Variants in CEP44 observed in about 807,000 individuals in gnomAD.
The protein encoded by CEP44 is centrosomal protein of 44 kDa.
Under a neutral mutation model 46.7 loss-of-function variants are expected in CEP44, and 45 were observed. The ratio of observed to expected loss-of-function variants is 0.96; its 90% CI spans 0.76 to 1.24. The LOEUF is 1.24. CEP44 is among the 50% of genes most tolerant of loss of function. The pLI, the probability that CEP44 is intolerant of heterozygous loss-of-function variation, is 0.00. For missense variants in CEP44, 475 were observed against 459.7 expected, an observed-to-expected ratio of 1.03 and a Z score of -0.30; for synonymous variants, 142 against 146.0, an observed-to-expected ratio of 0.97 and a Z score of 0.20.
At chr4:174,308,233 C>T (rs112978341) in intron 6 of CEP44, among the ~76,000 whole-genome samples, 3,083 of 152,202 alleles carry the variant, frequency 0.02, 107 homozygotes, top group African/African-American at 0.069. Flanking sequence ...ACCTAAATGC[C>T]CATCAATGAT....
chr4:174,316,247 G>C lies in CEP44; in HGVS notation c.1043G>C (p.Arg348Thr). Residue 348 changes from arginine to threonine, a missense_variant, in exon 10 of 12, where the codon AGA (arginine) becomes ACA (threonine). Coordinates refer to ENST00000503780, the MANE Select transcript of CEP44 (RefSeq NM_001040157.3). Reference sequence around the variant, plus strand: ...ACAGCATCATCAGATTCAACTCCCAGAGCCTCTACTGTTAATTACTGTGGT... The same window carrying C: ...ACAGCATCATCAGATTCAACTCCCACAGCCTCTACTGTTAATTACTGTGGT... ...YSTASSDSTPRASTVNYCGLN... is the reference protein window; with the variant it reads ...YSTASSDSTPTASTVNYCGLN... 6.2e-7 allele frequency: 1 copy of C among 1,612,418 alleles called. No individual in the cohort carries two copies. Among genetic ancestry groups the C allele is most frequent in the Non-Finnish European group, 8.5e-7 (1 of 1,178,512 alleles).
Position 174,310,007 on chromosome 4 carries a change from T to G in CEP44, c.836T>G (p.Leu279Arg). Reference sequence around the variant, plus strand: ...GTAGATGAAAACACCTGGACTAATCTTCTTAGTCGTGTCACTCTTCTTGAA... The same window carrying G: ...GTAGATGAAAACACCTGGACTAATCGTCTTAGTCGTGTCACTCTTCTTGAA... ...VMVDENTWTN[L>R]LSRVTLLETE... Residue 279 changes from leucine (L) to arginine (R), a missense_variant, in exon 8 of 12, where the codon CTT (leucine) becomes CGT (arginine). By Grantham distance (102) the Leu-to-Arg change is moderately radical (BLOSUM62 -2). Coordinates refer to ENST00000503780, the MANE Select transcript of CEP44 (RefSeq NM_001040157.3). This position sits in a 1 kb window ranked among gnomAD's most constrained non-coding sequence, Gnocchi z 4.2. The G allele has an allele frequency of 6.2e-7, 1 of 1,612,624 alleles. No individual in the cohort carries two copies. Among genetic ancestry groups the G allele is most frequent in the East Asian group, 2.2e-5 (1 of 44,740 alleles).
rs1669558254 is a variant in CEP44 at position 174,286,792 on chromosome 4, T to G, written c.-148+2849T>G. Reference sequence around the variant, plus strand: ...GTTTTTAAAAAATGAATCATTTTGTTTAAAGTCTCAGTTCGTTCAAATCTT... The same window carrying G: ...GTTTTTAAAAAATGAATCATTTTGTGTAAAGTCTCAGTTCGTTCAAATCTT... On this transcript the variant is annotated intron_variant, in intron 1 of 11. Transcript: ENST00000503780. This position sits in a 1 kb window ranked among gnomAD's most constrained non-coding sequence, Gnocchi z 5.2. Among the ~76,000 whole-genome samples the G allele has an allele frequency of 6.6e-6, 1 of 152,250 alleles. No individual in the cohort carries two copies. Among genetic ancestry groups the G allele is most frequent in the Non-Finnish European group, 1.5e-5 (1 of 68,036 alleles).
chr4:174,305,730 C>G (rs936706855), intron 6 of CEP44, among the ~76,000 whole-genome samples: 5 of 152,050 alleles, frequency 3.3e-5, no homozygotes, highest in African/African-American at 1.2e-4. Context: ...CATATATGAA[C>G]AGGGATTTTC....
Position 174,287,791 on chromosome 4 carries a change from T to C in CEP44, c.-148+3848T>C, listed in dbSNP as rs1737730661. On this transcript the variant is annotated intron_variant, in intron 1 of 11. Coordinates refer to ENST00000503780, the MANE Select transcript of CEP44 (RefSeq NM_001040157.3). This position sits in a 1 kb window ranked among gnomAD's most constrained non-coding sequence, Gnocchi z 5.1. ...TGCTGACAATATGTTTATAAGTGTTTTGCAGTAACCTTTTTGTTTCTATAA... is the reference window on the plus strand; with the variant it reads ...TGCTGACAATATGTTTATAAGTGTTCTGCAGTAACCTTTTTGTTTCTATAA... Among the ~76,000 whole-genome samples, 1 of 152,226 alleles carries C rather than the reference T, an allele frequency of 6.6e-6. No individual in the cohort carries two copies. The highest frequency in any genetic ancestry group is 6.5e-5 in the Admixed American group (1 of 15,282).
At position 174,331,495 on chromosome 4, in the gene CEP44, G is replaced by A. The variant is rs2126709752; in HGVS notation, c.1100G>A (p.Trp367Ter). The change falls in exon 9 of 9, where the codon TGG (tryptophan) becomes TAG (stop). Residue 367 changes from tryptophan to a stop codon, truncating the protein, a stop_gained. Transcript: ENST00000426172. LOFTEE classifies it low-confidence loss of function (END_TRUNC). The surrounding 1 kb of genome is among the most constrained non-coding windows in gnomAD (Gnocchi z 4.5). ...TTTCCTTTCTAGAATTTTCCTGCAT[G>A]GAGTGCTACATCCTCTTGTTCCAGT... is the stretch of plus-strand genomic sequence containing the variant. The A allele has an allele frequency of 6.4e-7, 1 of 1,551,364 alleles. No individual in the cohort carries two copies. Among genetic ancestry groups the A allele is most frequent in the Non-Finnish European group, 8.7e-7 (1 of 1,146,812 alleles).
In CEP44 at chr4:174,329,738, T is replaced by A. The variant is rs1266042152; in HGVS notation, c.1087-1744T>A. Among the ~76,000 whole-genome samples, 1 of 152,140 alleles carries A rather than the reference T, an allele frequency of 6.6e-6. No individual in the cohort carries two copies. The highest frequency in any genetic ancestry group is 1.9e-4 in the East Asian group (1 of 5,182). On this transcript the variant is annotated intron_variant, in intron 8 of 8. Coordinates refer to the CEP44 transcript ENST00000426172. The surrounding 1 kb of genome is among the most constrained non-coding windows in gnomAD (Gnocchi z 4.0). ...TTCTTCTCTAATTTAGTTAAAAAAA[T>A]ATTAATGAATATATGTTAACCTTCA...
chr4:174,303,140 GTC>G (rs918531107), intron 4 of CEP44, among the ~76,000 whole-genome samples: 2 of 152,060 alleles, frequency 1.3e-5, no homozygotes, highest in Admixed American at 6.6e-5. Context: ...TTTATATGTA[GTC>G]TCTGTTTAAT....
At chr4:174,320,662 G>A (rs914430229), downstream of CEP44, among the ~76,000 whole-genome samples, 4 of 147,666 alleles carry the variant, frequency 2.7e-5, no homozygotes, top group Admixed American at 2.7e-4. Flanking sequence ...AAATTCACTA[G>A]GGCTAGCATA....
At chr4:174,328,229 T>C (rs999966612) in intron 8 of CEP44, among the ~76,000 whole-genome samples, 1 of 151,976 alleles carries the variant, frequency 6.6e-6, no homozygotes, top group African/African-American at 2.4e-5. Context: ...GGAGAAAACA[T>C]CTAAGTTGTG....
chr4:174,321,941 C>A (rs1742347834), downstream of CEP44, among the ~76,000 whole-genome samples: 1 of 152,080 alleles, frequency 6.6e-6, no homozygotes, highest in Non-Finnish European at 1.5e-5. Context: ...AAACTTTACC[C>A]AATCAATATG....
Position 174,310,079 on chromosome 4 carries a change from A to G in CEP44, c.885+23A>G. On this transcript the variant is annotated intron_variant, in intron 8 of 11. Transcript: ENST00000503780. The surrounding 1 kb of genome is among the most constrained non-coding windows in gnomAD (Gnocchi z 4.2). ...AAGGTATTTTCCTCCTTTAACATTTATAAAATATCTCAGATATAACAAAGT... is the reference window on the plus strand; with the variant it reads ...AAGGTATTTTCCTCCTTTAACATTTGTAAAATATCTCAGATATAACAAAGT... The G allele has an allele frequency of 6.3e-7, 1 of 1,592,974 alleles. No homozygotes were observed. Among genetic ancestry groups the G allele is most frequent in the Non-Finnish European group, 8.5e-7 (1 of 1,170,938 alleles).
Position 174,309,994 on chromosome 4 carries a change from A to G in CEP44, c.823A>G (p.Thr275Ala). ...MKGKVMVDEN[T>A]WTNLLSRVTL... ...AGGAAAAGTGATGGTAGATGAAAAC[A>G]CCTGGACTAATCTTCTTAGTCGTGT... The change falls in exon 8 of 12, where the codon ACC becomes GCC. Residue 275 changes from threonine (T) to alanine (A), a missense_variant. By Grantham distance (58) the Thr-to-Ala change is moderately conservative. Transcript: ENST00000503780. The surrounding 1 kb of genome is among the most constrained non-coding windows in gnomAD (Gnocchi z 5.3). The G allele has an allele frequency of 6.2e-7, 1 of 1,612,820 alleles. No individual in the cohort carries two copies. The highest frequency in any genetic ancestry group is 8.5e-7 in the Non-Finnish European group (1 of 1,179,214).
chr4:174,324,311 T>C (rs1014954455), downstream of CEP44, among the ~76,000 whole-genome samples: 1 of 152,178 alleles, frequency 6.6e-6, no homozygotes, highest in Non-Finnish European at 1.5e-5. Context: ...CATTGTGATA[T>C]GTCCAGTTTG....
At chr4:174,327,175 GTA>G (rs1414194174) in intron 8 of CEP44, among the ~76,000 whole-genome samples, 1 of 140,534 alleles carries the variant, frequency 7.1e-6, no homozygotes, top group Non-Finnish European at 1.5e-5. Flanking sequence ...GTATATATAT[GTA>G]TATATATATT....
intron 2 of CEP44, among the ~76,000 whole-genome samples, chr4:174,298,467 G>T (rs972658251): frequency 6.6e-6 from 1 of 152,076 alleles, no homozygotes; most frequent in South Asian, 2.1e-4. Flanking sequence ...GAGCCACCGC[G>T]CCCAGCCATG....
Position 174,299,074 on chromosome 4 carries a change from GA to G in CEP44, c.-43del. On this transcript the variant is annotated 5_prime_UTR_variant, in exon 3 of 12. Coordinates refer to ENST00000503780, the MANE Select transcript of CEP44 (RefSeq NM_001040157.3). ...ATTTCATGGATTTCTATTTTCAGGTGAAAAATTAGACGATTTCAAGAATTGG... is the reference window on the plus strand; with the variant it reads ...ATTTCATGGATTTCTATTTTCAGGTGAAAATTAGACGATTTCAAGAATTGG... 6.6e-7 allele frequency: 1 copy of G among 1,519,028 alleles called. No homozygotes were observed. The highest frequency in any genetic ancestry group is 9.1e-7 in the Non-Finnish European group (1 of 1,101,676). The allele number at this position is 1,519,028 out of a possible 1,614,324, so 94.1% of individuals were successfully genotyped here.
downstream of CEP44, among the ~76,000 whole-genome samples, chr4:174,321,408 A>C (rs151216710): frequency 2.5e-3 from 376 of 152,142 alleles, 4 homozygotes; most frequent in African/African-American, 8.2e-3. Flanking sequence ...TTTTTTCCTC[A>C]GTCAAATAAT....
At chr4:174,315,949 A>G (rs1056377206) in intron 9 of CEP44, among the ~76,000 whole-genome samples, 1 of 152,128 alleles carries the variant, frequency 6.6e-6, no homozygotes, top group South Asian at 2.1e-4. Flanking sequence ...CTATCATGAT[A>G]ATAATACTGC....
Sources: gnomAD v4.1 joint callset for allele counts (sites outside exome capture counted in the v4.1 genomes callset) on GRCh38, gnomAD v4.1.1 for gene constraint, Gnocchi (gnomAD v3.1) non-coding constraint, MANE v1.5 for transcripts, NCBI Gene and HGNC (gene_info 2026-07-23, HGNC 2026-07-21) for gene names.